Variants in PPP2R2C observed in about 807,000 individuals in gnomAD.
PPP2R2C encodes the protein protein phosphatase 2, regulatory subunit B, gamma.
Under a neutral mutation model 45.3 loss-of-function variants are expected in PPP2R2C, and 10 were observed. That is an observed-to-expected ratio of 0.22 (90% confidence interval 0.14 to 0.37). The LOEUF is 0.37. Among genes scored for constraint, PPP2R2C ranks in the 10% least tolerant of loss-of-function variants. The pLI is 1.00. For synonymous variants in PPP2R2C, 257 were observed against 245.4 expected, an observed-to-expected ratio of 1.05 and a Z score of -0.44; for missense variants, 308 against 619.7, an observed-to-expected ratio of 0.50 and a Z score of 5.34.
chr4:6,562,870 G>A (rs1030179699), intron 1 of PPP2R2C, among the ~76,000 whole-genome samples: 5 of 151,536 alleles, frequency 3.3e-5, no homozygotes, highest in Admixed American at 2.0e-4. Flanking sequence ...AAGCCAACCC[G>A]GGTCACTTCC....
At chr4:6,408,245 C>T (rs1000139383) in intron 1 of PPP2R2C, among the ~76,000 whole-genome samples, 9 of 152,150 alleles carry the variant, frequency 5.9e-5, no homozygotes, top group African/African-American at 2.2e-4. Context: ...ACCTAGACCC[C>T]CAAAAGGATG....
rs1178532702 is a variant in PPP2R2C at position 6,368,253 on chromosome 4, C to G, written c.625+4270G>C. ...AAAAACCACACCCCTGGCTTACCCT[C>G]CACCGACCTGAGGCCTGCAGCCAGC... On this transcript the variant is annotated intron_variant, in intron 5 of 8. Coordinates refer to ENST00000382599, the MANE Select transcript of PPP2R2C (RefSeq NM_020416.4). The surrounding 1 kb of genome is among the most constrained non-coding windows in gnomAD (Gnocchi z 4.2). 2.0e-5 allele frequency among the ~76,000 whole-genome samples: 3 copies of G among 152,212 alleles called. No individual in the cohort carries two copies. The highest frequency in any genetic ancestry group is 2.9e-5 in the Non-Finnish European group (2 of 68,036).
At chr4:6,536,066 A>T (rs1197493444) in intron 1 of PPP2R2C, among the ~76,000 whole-genome samples, 1 of 151,790 alleles carries the variant, frequency 6.6e-6, no homozygotes, top group Non-Finnish European at 1.5e-5. Context: ...TTAGCATCTG[A>T]CCATCATCTT....
chr4:6,511,864 A>G (rs865812699), intron 2 of PPP2R2C, among the ~76,000 whole-genome samples: 1,310 of 3,086 alleles, frequency 0.42, 12 homozygotes, highest in Middle Eastern at 0.5. Flanking sequence ...GGTGGTGGTG[A>G]TGGTGGTGGT....
intron 1 of PPP2R2C, among the ~76,000 whole-genome samples, chr4:6,469,443 C>T (rs1348790758): frequency 1.3e-5 from 2 of 152,252 alleles, no homozygotes; most frequent in South Asian, 2.1e-4. Context: ...CTGGTTCTTC[C>T]GCAAACTGAA....
At chr4:6,352,881 C>A (rs572355222) in intron 5 of PPP2R2C, among the ~76,000 whole-genome samples, 22 of 152,250 alleles carry the variant, frequency 1.4e-4, no homozygotes, top group African/African-American at 4.8e-4. Flanking sequence ...GATGAGATCA[C>A]CCTGGATTAC....
intron 6 of PPP2R2C, among the ~76,000 whole-genome samples, chr4:6,340,475 C>T (rs1050448334): frequency 2.0e-5 from 3 of 152,196 alleles, no homozygotes; most frequent in Non-Finnish European, 2.9e-5. Context: ...CTCCACAAAG[C>T]TCCACACAGA....
chr4:6,394,142 C>T (rs968682802), intron 1 of PPP2R2C, among the ~76,000 whole-genome samples: 3 of 152,184 alleles, frequency 2.0e-5, no homozygotes, highest in African/African-American at 7.2e-5. Flanking sequence ...ATTGCTGGGG[C>T]CTAGAATCTG....
chr4:6,387,675 T>C (rs1716309046), intron 1 of PPP2R2C, among the ~76,000 whole-genome samples: 1 of 151,802 alleles, frequency 6.6e-6, no homozygotes, highest in African/African-American at 2.4e-5. Flanking sequence ...TATCCGGGCA[T>C]GGTGGCGGGC....
chr4:6,378,975 C>T lies in PPP2R2C; in HGVS notation c.169-403G>A, dbSNP rs1715574193. ...TCAGAGGGGAAGTGACTTCCCAGAG[C>T]CGTGAGGTCACTCTCCGGCGAGCAC... On this transcript the variant is annotated intron_variant, in intron 2 of 8. Coordinates refer to ENST00000382599, the MANE Select transcript of PPP2R2C (RefSeq NM_020416.4). The surrounding 1 kb of genome is among the most constrained non-coding windows in gnomAD (Gnocchi z 5.2). Among the ~76,000 whole-genome samples the T allele has an allele frequency of 6.6e-6, 1 of 151,912 alleles. No individual in the cohort carries two copies. Among genetic ancestry groups the T allele is most frequent in the African/African-American group, 2.4e-5 (1 of 41,368 alleles).
In PPP2R2C at chr4:6,426,981, C is replaced by T. The variant is rs541466714; in HGVS notation, c.70+45179G>A. Among the ~76,000 whole-genome samples the T allele has an allele frequency of 2.0e-5, 3 of 152,348 alleles. No individual in the cohort carries two copies. The South Asian group carries it at 6.2e-4, about 32-fold the overall frequency. On this transcript the variant is annotated intron_variant, in intron 1 of 8. Transcript: ENST00000382599. ...AGTTAATTTTGAAAATATCTTCCATCGGCCTGAGACTGAGATGGAAGCGGC... is the reference window on the plus strand; with the variant it reads ...AGTTAATTTTGAAAATATCTTCCATTGGCCTGAGACTGAGATGGAAGCGGC...
At chr4:6,472,075 G>T in intron 1 of PPP2R2C, 85 bp downstream of exon 1, 2 of 1,549,120 alleles carry the variant, frequency 1.3e-6, no homozygotes, top group South Asian at 2.2e-5. Context: ...CACATCGCGC[G>T]GTCCAAACCT....
chr4:6,535,110 G>A (rs938970008), intron 2 of PPP2R2C, among the ~76,000 whole-genome samples: 4 of 152,198 alleles, frequency 2.6e-5, no homozygotes, highest in African/African-American at 4.8e-5. Context: ...AGGAGCCAGG[G>A]TCGGGGGCCC....
chr4:6,423,526 C>G (rs10033049), intron 1 of PPP2R2C, among the ~76,000 whole-genome samples: 152,013 of 152,388 alleles, frequency 1, 75,822 homozygotes, highest in Non-Finnish European at 1. Context: ...ATTTTGGAAA[C>G]CAAGAAACAC....
chr4:6,381,992 G>A (rs1715833934), intron 1 of PPP2R2C: 1 of 1,424,070 alleles, frequency 7.0e-7, no homozygotes, highest in East Asian at 2.6e-5. Flanking sequence ...GGGAGGACAA[G>A]GCCCTAGCCT....
At chr4:6,339,999 G>A (rs570350424) in intron 6 of PPP2R2C, among the ~76,000 whole-genome samples, 2 of 152,230 alleles carry the variant, frequency 1.3e-5, no homozygotes, top group Admixed American at 1.3e-4. Flanking sequence ...ACTGTTTGGG[G>A]AGGGGCCTCC....
At chr4:6,387,581 C>T (rs1351854817) in intron 1 of PPP2R2C, among the ~76,000 whole-genome samples, 1 of 152,184 alleles carries the variant, frequency 6.6e-6, no homozygotes, top group East Asian at 1.9e-4. Context: ...GAGTCCAAGC[C>T]GGGTGGATCA....
At chr4:6,335,224 C>T (rs940745468) in intron 6 of PPP2R2C, among the ~76,000 whole-genome samples, 4 of 152,152 alleles carry the variant, frequency 2.6e-5, no homozygotes, top group Non-Finnish European at 4.4e-5. Flanking sequence ...AACTAAGTGG[C>T]GCCCTCCACC....
Position 6,333,551 on chromosome 4 carries a change from G to A in PPP2R2C, c.960+11C>T. 6.8e-6 allele frequency: 11 copies of A among 1,611,568 alleles called. No individual in the cohort carries two copies. Among genetic ancestry groups the A allele is most frequent in the South Asian group, 1.1e-5 (1 of 90,952 alleles). On this transcript the variant is annotated intron_variant, in intron 7 of 8. Coordinates refer to ENST00000382599, the MANE Select transcript of PPP2R2C (RefSeq NM_020416.4). Reference sequence around the variant, plus strand: ...GACCCGGGATTGGGGGTCTCCTGCTGTGGTGCCCACCTGGTAGGTCTCTAT... The same window carrying A: ...GACCCGGGATTGGGGGTCTCCTGCTATGGTGCCCACCTGGTAGGTCTCTAT...
Sources: allele counts gnomAD v4.1 joint callset (sites outside exome capture counted in the v4.1 genomes callset), GRCh38; gene constraint gnomAD v4.1.1; non-coding constraint Gnocchi (gnomAD v3.1); transcripts MANE v1.5; gene names NCBI Gene and HGNC (gene_info 2026-07-23, HGNC 2026-07-21).